Variants in CSMD1 observed in about 807,000 individuals in gnomAD.
CSMD1 encodes the protein CUB and sushi domain-containing protein 1.
CSMD1 carries 213 observed loss-of-function variants against 417.5 expected under a neutral mutation model. The ratio of observed to expected loss-of-function variants is 0.51; its 90% CI spans 0.46 to 0.57. The LOEUF is 0.57. CSMD1 is among the 20% of genes least tolerant of loss of function. The pLI is 0.00. For missense variants in CSMD1, 6,923 were observed against 4,529.7 expected, an observed-to-expected ratio of 1.53 and a Z score of -15.17; for synonymous variants, 2,862 against 1,736.8, an observed-to-expected ratio of 1.65 and a Z score of -16.11.
chr8:3,307,417 T>A (rs74371157), intron 25 of CSMD1, among the ~76,000 whole-genome samples: 3 of 2,216 alleles, frequency 1.4e-3, no homozygotes, highest in Non-Finnish European at 4.1e-3. Flanking sequence ...AGTCATGATG[T>A]TTTTTTTCAG....
chr8:4,100,175 C>G (rs1563123342), intron 3 of CSMD1, among the ~76,000 whole-genome samples: 2 of 152,112 alleles, frequency 1.3e-5, no homozygotes, highest in African/African-American at 4.8e-5. Context: ...GGGGCATATA[C>G]TACCACTACC....
At chr8:3,637,719 G>A (rs183055443) in intron 7 of CSMD1, among the ~76,000 whole-genome samples, 1 of 152,178 alleles carries the variant, frequency 6.6e-6, no homozygotes, top group Non-Finnish European at 1.5e-5. Context: ...GTTAAGTAGG[G>A]ATATGGTTTG....
intron 27 of CSMD1, among the ~76,000 whole-genome samples, chr8:3,225,212 G>A (rs930982194): frequency 9.3e-5 from 13 of 139,236 alleles, no homozygotes; most frequent in African/African-American, 3.4e-4. Flanking sequence ...GCTTTTTATA[G>A]GAAGAAATAA....
At chr8:3,649,649 C>T (rs1012168952) in intron 7 of CSMD1, among the ~76,000 whole-genome samples, 7 of 152,136 alleles carry the variant, frequency 4.6e-5, no homozygotes, top group African/African-American at 1.7e-4. Context: ...GGAGAAACCA[C>T]CCCCATGATT....
rs117352580 is a variant in CSMD1 at position 4,252,577 on chromosome 8, C to A, written c.415+167376G>T. Among the ~76,000 whole-genome samples, 12 of 152,326 alleles carry A rather than the reference C, an allele frequency of 7.9e-5. No homozygotes were observed. In the East Asian group the frequency reaches 2.3e-3, roughly 29 times the overall value. On this transcript the variant is annotated intron_variant, in intron 3 of 69. Transcript: ENST00000635120. ...TATGACAGAAACTGCTACTTACCTA[C>A]ACAATGTCTACTCTCAGAAATCTTC...
At chr8:4,418,272 A>AT (rs1797056264) in intron 3 of CSMD1, among the ~76,000 whole-genome samples, 1 of 152,170 alleles carries the variant, frequency 6.6e-6, no homozygotes. Flanking sequence ...TTATGGCCCT[A>AT]TTCCATTTTC....
intron 46 of CSMD1, among the ~76,000 whole-genome samples, chr8:3,098,077 C>T (rs1048971276): frequency 1.3e-5 from 2 of 152,196 alleles, no homozygotes; most frequent in African/African-American, 4.8e-5. Flanking sequence ...TAATTTCTCT[C>T]ATCACTGAAT....
At chr8:4,477,970 A>G (rs1001020729) in intron 2 of CSMD1, among the ~76,000 whole-genome samples, 3 of 152,176 alleles carry the variant, frequency 2.0e-5, no homozygotes, top group Admixed American at 2.0e-4. Flanking sequence ...CATTCCATCC[A>G]TTTCTATCCA....
rs373791350 is a variant in CSMD1 at position 3,998,109 on chromosome 8, A to C, written c.612T>G (p.Ala204=). ...SWDFPAPFCR[A]EGACGGTLRG... ...GTAAGGTTCCTCCGCAGGCTCCCTC[A>C]GCTGCAGGGGCAAAAGCAGAAAGAA... Residue 204 remains alanine, a splice_region_variant and synonymous_variant, in exon 5 of 70, where the codon GCT becomes GCG. Coordinates refer to ENST00000635120, the MANE Select transcript of CSMD1 (RefSeq NM_033225.6). 204 of 1,560,826 alleles carry C rather than the reference A, an allele frequency of 1.3e-4. No homozygotes were observed. In the African/African-American group the frequency reaches 2.4e-3, roughly 18 times the overall value.
chr8:3,434,886 T>C (rs745487019), intron 12 of CSMD1, among the ~76,000 whole-genome samples: 7 of 152,182 alleles, frequency 4.6e-5, no homozygotes, highest in Non-Finnish European at 8.8e-5. Flanking sequence ...ATGCAGGAAA[T>C]ATCGGGAATA....
chr8:4,881,620 C>A (rs1349798216), intron 1 of CSMD1, among the ~76,000 whole-genome samples: 1 of 146,284 alleles, frequency 6.8e-6, no homozygotes, highest in East Asian at 2.0e-4. Context: ...TAATTGATTT[C>A]TTAAATTTGG....
rs73658151 is a variant in CSMD1 at position 3,522,738 on chromosome 8, A to G, written c.1345-29012T>C. 6.1e-3 allele frequency among the ~76,000 whole-genome samples: 924 copies of G among 152,184 alleles called. 14 individuals carry two copies. The highest frequency in any genetic ancestry group is 0.022 in the African/African-American group (905 of 41,514). On this transcript the variant is annotated intron_variant, in intron 10 of 69. Coordinates refer to ENST00000635120, the MANE Select transcript of CSMD1 (RefSeq NM_033225.6). ...CTGATTCTGCACCTTAATATGTGGCATTCGGGAACTACAAAGTGCTCTACC... is the reference window on the plus strand; with the variant it reads ...CTGATTCTGCACCTTAATATGTGGCGTTCGGGAACTACAAAGTGCTCTACC...
In CSMD1 at chr8:3,447,546, G is replaced by A. The variant is rs568104946; in HGVS notation, c.1561+21166C>T. On this transcript the variant is annotated intron_variant, in intron 12 of 69. Transcript: ENST00000635120. ...GGCTGGTGTGGGACAGGTGGCACCC[G>A]GAACCACTGTTCACAGAGGGCGACA... 1.1e-3 allele frequency among the ~76,000 whole-genome samples: 169 copies of A among 152,272 alleles called. 1 individual carries two copies. Among genetic ancestry groups the A allele is most frequent in the African/African-American group, 3.5e-3 (144 of 41,552 alleles).
In CSMD1 at chr8:3,630,661, G is replaced by A. The variant is rs1433290277; in HGVS notation, c.1010-13864C>T. 2.6e-5 allele frequency among the ~76,000 whole-genome samples: 4 copies of A among 152,258 alleles called. No homozygotes were observed. In the East Asian group the frequency reaches 5.8e-4, roughly 22 times the overall value. On this transcript the variant is annotated intron_variant, in intron 7 of 69. Transcript: ENST00000635120. ...AAGGGCAGCAGACAGATTTCATTGC[G>A]TTCGAGAAAAAATGTGAGAGAAATG...
intron 26 of CSMD1, among the ~76,000 whole-genome samples, chr8:3,269,289 G>C (rs28722172): frequency 1.3e-5 from 2 of 152,018 alleles, no homozygotes; most frequent in African/African-American, 4.8e-5. Flanking sequence ...TTCTCTGCCA[G>C]TCCCATGAGG....
chr8:3,205,759 C>T (rs1049140014), intron 30 of CSMD1, 139 bp from the exon 31 acceptor site: 36 of 481,318 alleles, frequency 7.5e-5, no homozygotes, highest in African/African-American at 6.8e-4. Flanking sequence ...TCTTGTTTTG[C>T]ATTGCTATCA....
intron 2 of CSMD1, among the ~76,000 whole-genome samples, chr8:4,621,670 AT>A (rs969299537): frequency 6.6e-6 from 1 of 152,022 alleles, no homozygotes; most frequent in Non-Finnish European, 1.5e-5. Flanking sequence ...AGTTCTGCTC[AT>A]TTTTTTAATA....
intron 10 of CSMD1, among the ~76,000 whole-genome samples, chr8:3,572,163 G>A (rs1799970978): frequency 6.6e-6 from 1 of 152,172 alleles, no homozygotes; most frequent in East Asian, 1.9e-4. Flanking sequence ...CCCATTACAG[G>A]GGCGCATTCG....
At chr8:3,341,550 A>C (rs1807652657) in intron 23 of CSMD1, among the ~76,000 whole-genome samples, 2 of 152,214 alleles carry the variant, frequency 1.3e-5, no homozygotes, top group African/African-American at 4.8e-5. Context: ...AAGCAGCCAC[A>C]GGAAGGGAAA....
Sources: gnomAD v4.1 joint callset for allele counts (sites outside exome capture counted in the v4.1 genomes callset) on GRCh38, gnomAD v4.1.1 for gene constraint, MANE v1.5 for transcripts, NCBI Gene and HGNC (gene_info 2026-07-23, HGNC 2026-07-21) for gene names.